The following USP7 variants were observed in gnomAD, a reference collection of about 807,000 sequenced individuals.
The protein encoded by USP7 is ubiquitin specific peptidase 7.
USP7 carries 9 observed loss-of-function variants against 162.9 expected under a neutral mutation model. That is an observed-to-expected ratio of 0.06 (90% confidence interval 0.03 to 0.10). The LOEUF is 0.10. Ranked by LOEUF, USP7 falls within the 10% of genes least tolerant of loss-of-function variation. The pLI is 1.00. For missense variants in USP7, 715 were observed against 1,373.7 expected, an observed-to-expected ratio of 0.52 and a Z score of 7.58; for synonymous variants, 562 against 475.9, an observed-to-expected ratio of 1.18 and a Z score of -2.35.
At chr16:8,910,862 A>G (rs1358581208) in intron 10 of USP7, 35 bp from the exon 11 acceptor site, 1 of 1,557,524 alleles carries the variant, frequency 6.4e-7, no homozygotes, top group Non-Finnish European at 8.8e-7. Context: ...CAAGTGCTAA[A>G]GCTTCATTTA....
intron 18 of USP7, 24 bp downstream of exon 18, chr16:8,902,058 G>A (rs1206047062): frequency 1.9e-6 from 3 of 1,587,766 alleles, no homozygotes; most frequent in East Asian, 4.5e-5. Context: ...TCTAAGTGCA[G>A]GCAGGCGTCT....
At chr16:8,963,147 T>TCCCCCGGCCACAATGAAAGGCGC in intron 1 of USP7, 60 bp downstream of exon 1, 2 of 1,323,382 alleles carry the variant, frequency 1.5e-6, no homozygotes, top group Non-Finnish European at 9.8e-7. Context: ...CTCCCGCGGC[T>TCCCCCGGCCACAATGAAAGGCGC]CCCCCGGCCA....
intron 14 of USP7, 50 bp downstream of exon 14, chr16:8,905,137 T>G (rs760224918): frequency 1.3e-6 from 2 of 1,589,876 alleles, no homozygotes; most frequent in Non-Finnish European, 1.7e-6. Context: ...ATGGTACAAA[T>G]GTCCAAGTCC....
chr16:8,935,769 T>A (rs569840378), intron 1 of USP7: 3 of 152,268 alleles, frequency 2.0e-5, no homozygotes, highest in East Asian at 1.9e-4. Flanking sequence ...CCAAGTAGGC[T>A]CCCTGGCTAG....
In USP7 at chr16:8,908,326, C is replaced by G; in HGVS notation, c.1271+15G>C. ...TGATGATGAAATCTTAACTTTATAT[C>G]CCACTATAGATTACCTATCATTGAT... is the stretch of plus-strand genomic sequence containing the variant. On this transcript the variant is annotated intron_variant, in intron 12 of 30. Transcript: ENST00000344836. 1 of 1,593,194 alleles carries G rather than the reference C, an allele frequency of 6.3e-7. No homozygotes were observed. Among genetic ancestry groups the G allele is most frequent in the Non-Finnish European group, 8.6e-7 (1 of 1,161,514 alleles).
intron 26 of USP7, among the ~76,000 whole-genome samples, chr16:8,896,469 C>T (rs142523677): frequency 6.6e-6 from 1 of 152,252 alleles, no homozygotes; most frequent in Non-Finnish European, 1.5e-5. Context: ...ATTTGTCCTC[C>T]AAGCGACTAC....
chr16:8,905,505 G>A (rs151316347), intron 13 of USP7, among the ~76,000 whole-genome samples, 174 bp from the exon 14 acceptor site: 301 of 152,326 alleles, frequency 2.0e-3, no homozygotes, highest in Non-Finnish European at 3.6e-3. Flanking sequence ...GGCAGGCAGC[G>A]CCTCAGGCAT....
intron 2 of USP7, among the ~76,000 whole-genome samples, chr16:8,927,827 A>G (rs1259871316): frequency 1.3e-5 from 2 of 152,080 alleles, no homozygotes; most frequent in Non-Finnish European, 2.9e-5. Context: ...CACAACAAGA[A>G]CCTATCTCAA....
In USP7 at chr16:8,943,435, T is replaced by C. The variant is rs527455851; in HGVS notation, c.80-13038A>G. Reference sequence around the variant, plus strand: ...GCAGCACGCACGGCCGGAACCGAGCTGCACAGATGCAGTTAGGGCAAGGGA... The same window carrying C: ...GCAGCACGCACGGCCGGAACCGAGCCGCACAGATGCAGTTAGGGCAAGGGA... On this transcript the variant is annotated intron_variant, in intron 1 of 30. Transcript: ENST00000344836. Among the ~76,000 whole-genome samples, 10 of 152,138 alleles carry C rather than the reference T, an allele frequency of 6.6e-5. 1 individual carries two copies. In the South Asian group the frequency reaches 2.1e-3, roughly 32 times the overall value.
rs1280830098 is a variant in USP7, at chr16:8,916,505, T to C, written c.903A>G (p.Arg301=). The change falls in exon 8 of 31, where the codon CGA becomes CGG. Residue 301 remains arginine (R), a synonymous_variant. Coordinates refer to ENST00000344836, the MANE Select transcript of USP7 (RefSeq NM_003470.3). ...FMQHDVQELC[R]VLLDNVENKM... ...ACAAGTATTGCTTGAAACTTACCACTCGACAAAGCTCCTGAACATCATGTT... is the reference window on the plus strand; with the variant it reads ...ACAAGTATTGCTTGAAACTTACCACCCGACAAAGCTCCTGAACATCATGTT... The C allele has an allele frequency of 1.2e-6, 2 of 1,610,206 alleles. No homozygotes were observed. The highest frequency in any genetic ancestry group is 1.7e-5 in the Admixed American group (1 of 58,964).
intron 1 of USP7, among the ~76,000 whole-genome samples, chr16:8,931,563 A>G (rs1718657967): frequency 6.6e-6 from 1 of 152,244 alleles, no homozygotes; most frequent in African/African-American, 2.4e-5. Context: ...TGTTTAGGAA[A>G]GGATAAAATT....
chr16:8,901,299 A>C lies in USP7; in HGVS notation c.2048-65T>G, dbSNP rs73498861. On this transcript the variant is annotated intron_variant, in intron 18 of 30. Transcript: ENST00000344836. ...CTCAGCACAATGCTTAAAAAACAAA[A>C]AAACAAACAAACAAAAAAACGAAAA... The C allele has an allele frequency of 0.046, 51,574 of 1,129,316 alleles. 4,610 individuals are homozygous for C. Among genetic ancestry groups the C allele is most frequent in the African/African-American group, 0.39 (22,206 of 57,434 alleles). The allele number at this position is 1,129,316 out of a possible 1,614,324, so 70.0% of individuals were successfully genotyped here.
chr16:8,950,851 C>T (rs968291958), intron 1 of USP7, among the ~76,000 whole-genome samples: 11 of 152,204 alleles, frequency 7.2e-5, no homozygotes, highest in Admixed American at 6.5e-4. Flanking sequence ...CTTGTTTCTG[C>T]GCACACAGTC....
chr16:8,941,603 G>A (rs1464353193), intron 1 of USP7, among the ~76,000 whole-genome samples: 3 of 152,210 alleles, frequency 2.0e-5, no homozygotes, highest in African/African-American at 4.8e-5. Context: ...AAGTTAGTCT[G>A]CCAATTCGCT....
At chr16:8,920,794 A>G (rs971060236) in intron 4 of USP7, among the ~76,000 whole-genome samples, 13 of 152,236 alleles carry the variant, frequency 8.5e-5, no homozygotes, top group African/African-American at 2.9e-4. Context: ...AGATTGTTCC[A>G]CTGGTTACCA....
At chr16:8,906,821 A>T (rs1320714774) in intron 12 of USP7, among the ~76,000 whole-genome samples, 1 of 152,238 alleles carries the variant, frequency 6.6e-6, no homozygotes, top group Non-Finnish European at 1.5e-5. Flanking sequence ...TATATCAAGA[A>T]ATGATTCTGA....
At chr16:8,924,519 G>A (rs955559268) in intron 2 of USP7, among the ~76,000 whole-genome samples, 1 of 152,238 alleles carries the variant, frequency 6.6e-6, no homozygotes, top group African/African-American at 2.4e-5. Context: ...TGACATCCCT[G>A]ACCACCAGGC....
At position 8,903,325 on chromosome 16, in the gene USP7, G is replaced by C; in HGVS notation, c.1782C>G (p.Phe594Leu). Reference sequence around the variant, plus strand: ...CAAGCGAGGAGTTCTTCAATACTTTGAACACAGTGTATTTCACTTTTTCTT... The same window carrying C: ...CAAGCGAGGAGTTCTTCAATACTTTCAACACAGTGTATTTCACTTTTTCTT... ...YDEEKVKYTVFKVLKNSSLAE... is the reference protein window; with the variant it reads ...YDEEKVKYTVLKVLKNSSLAE... Residue 594 changes from phenylalanine to leucine, a missense_variant, in exon 16 of 31, where the codon TTC becomes TTG. This residue lies in a region of USP7 where 197 missense variants were observed against 306.5 expected (regional missense o/e 0.64). Transcript: ENST00000344836. The C allele has an allele frequency of 6.2e-7, 1 of 1,614,116 alleles. No homozygotes were observed. The highest frequency in any genetic ancestry group is 8.5e-7 in the Non-Finnish European group (1 of 1,180,020).
At chr16:8,949,351 G>C (rs1899443536) in intron 1 of USP7, among the ~76,000 whole-genome samples, 1 of 152,168 alleles carries the variant, frequency 6.6e-6, no homozygotes, top group South Asian at 2.1e-4. Context: ...TTGATTGTTG[G>C]GTACTATGTA....
Sources: allele counts gnomAD v4.1 joint callset (sites outside exome capture counted in the v4.1 genomes callset), GRCh38; gene constraint gnomAD v4.1.1; regional missense constraint gnomAD v4.1.1; transcripts MANE v1.5; gene names NCBI Gene and HGNC (gene_info 2026-07-23, HGNC 2026-07-21).